Variants in PTPRD observed in about 807,000 individuals in gnomAD.
The protein encoded by PTPRD is receptor-type tyrosine-protein phosphatase delta.
In PTPRD, 34 loss-of-function variants were observed where a neutral mutation model predicts 214.5. The ratio of observed to expected loss-of-function variants is 0.16; its 90% CI spans 0.12 to 0.21. PTPRD has a LOEUF of 0.21. Ranked by LOEUF, PTPRD falls within the 10% of genes least tolerant of loss-of-function variation. The probability of loss-of-function intolerance (pLI) is 1.00; values close to 1 mark genes in which losing one functional copy is unlikely to be tolerated. For missense variants in PTPRD, 2,545 were observed against 2,398.7 expected (o/e 1.06, Z -1.27); for synonymous variants, 1,128 against 845.7 (o/e 1.33, Z -5.79).
chr9:10,269,789 T>C (rs2094314932), intron 3 of PTPRD, among the ~76,000 whole-genome samples: 1 of 152,014 alleles, frequency 6.6e-6, no homozygotes, highest in South Asian at 2.1e-4. Flanking sequence ...TCTATAAAAA[T>C]CTTCTGAAAA....
Position 10,308,167 on chromosome 9 carries a change from T to C in PTPRD, c.-545+32796A>G, listed in dbSNP as rs2096146375. Among the ~76,000 whole-genome samples, 4 of 152,016 alleles carry C rather than the reference T, an allele frequency of 2.6e-5. No individual in the cohort carries two copies. The South Asian group carries it at 8.3e-4, about 31-fold the overall frequency. On this transcript the variant is annotated intron_variant, in intron 3 of 45. Transcript: ENST00000381196. ...CATCAATGTCCTGAAGTGTTTTTCC[T>C]GTTTTCTTATAGTAGTTTTGTAATT...
At chr9:9,470,866 C>G (rs953048276) in intron 8 of PTPRD, among the ~76,000 whole-genome samples, 1 of 152,088 alleles carries the variant, frequency 6.6e-6, no homozygotes, top group East Asian at 1.9e-4. Flanking sequence ...TAAAATCAGG[C>G]AAGATAAAAC....
intron 2 of PTPRD, among the ~76,000 whole-genome samples, chr9:10,582,581 T>C (rs2072315437): frequency 6.6e-6 from 1 of 152,180 alleles, no homozygotes; most frequent in South Asian, 2.1e-4. Context: ...CTACTACATA[T>C]CTGGGATGAC....
chr9:8,658,565 G>T (rs191426886), intron 12 of PTPRD, among the ~76,000 whole-genome samples: 1 of 151,546 alleles, frequency 6.6e-6, no homozygotes, highest in East Asian at 1.9e-4. Flanking sequence ...CCTCCAAGAG[G>T]ACTAGATTCT....
chr9:10,567,562 T>G (rs1309203276), intron 2 of PTPRD, among the ~76,000 whole-genome samples: 1 of 152,112 alleles, frequency 6.6e-6, no homozygotes, highest in African/African-American at 2.4e-5. Flanking sequence ...GCCCTACCCT[T>G]TTGTTTTTCC....
intron 8 of PTPRD, among the ~76,000 whole-genome samples, chr9:9,506,985 T>C (rs1369185423): frequency 1.3e-5 from 2 of 151,456 alleles, no homozygotes; most frequent in East Asian, 1.9e-4. Flanking sequence ...AAAGATTATA[T>C]ACAAGTATAC....
chr9:9,015,087 T>A (rs78925264), intron 11 of PTPRD, among the ~76,000 whole-genome samples: 26 of 152,144 alleles, frequency 1.7e-4, no homozygotes, highest in African/African-American at 5.8e-4. Context: ...GCCAGGTTTA[T>A]TTTAACTAAA....
At chr9:9,483,827 C>T (rs1169956960) in intron 8 of PTPRD, among the ~76,000 whole-genome samples, 28 of 145,490 alleles carry the variant, frequency 1.9e-4, no homozygotes, top group African/African-American at 5.6e-4. Flanking sequence ...TGTGAAAATT[C>T]GTTCTCTGTT....
chr9:9,409,842 A>G (rs1039562404), intron 8 of PTPRD, among the ~76,000 whole-genome samples: 5 of 152,106 alleles, frequency 3.3e-5, no homozygotes, highest in African/African-American at 1.2e-4. Context: ...AAAATGTCTA[A>G]GGTTTCTAAT....
chr9:9,291,619 A>G (rs1021255930), intron 9 of PTPRD, among the ~76,000 whole-genome samples: 3 of 151,332 alleles, frequency 2.0e-5, no homozygotes, highest in Admixed American at 6.6e-5. Context: ...GTAAGCAACT[A>G]TAAAGTTTAT....
intron 5 of PTPRD, among the ~76,000 whole-genome samples, chr9:9,833,906 A>G (rs1417660177): frequency 2.0e-5 from 3 of 151,992 alleles, no homozygotes; most frequent in Admixed American, 1.3e-4. Flanking sequence ...TCCACATTTC[A>G]TATTGCTCAA....
chr9:10,270,673 T>C (rs936924960), intron 3 of PTPRD, among the ~76,000 whole-genome samples: 1 of 152,176 alleles, frequency 6.6e-6, no homozygotes, highest in Non-Finnish European at 1.5e-5. Context: ...TTCTTCAGCA[T>C]AAAAAATTGT....
At chr9:8,459,071 G>C (rs1370327825) in intron 33 of PTPRD, among the ~76,000 whole-genome samples, 2 of 152,080 alleles carry the variant, frequency 1.3e-5, no homozygotes, top group Non-Finnish European at 1.5e-5. Flanking sequence ...GAGTTTTGAA[G>C]GAGTTTCTTT....
At chr9:8,800,815 C>T (rs1194662133) in intron 11 of PTPRD, among the ~76,000 whole-genome samples, 1 of 152,132 alleles carries the variant, frequency 6.6e-6, no homozygotes, top group Non-Finnish European at 1.5e-5. Flanking sequence ...CTCATGGGGT[C>T]TGGATTGGGA....
At chr9:8,788,236 T>C (rs1446088375) in intron 11 of PTPRD, among the ~76,000 whole-genome samples, 2 of 151,210 alleles carry the variant, frequency 1.3e-5, no homozygotes, top group Non-Finnish European at 2.9e-5. Flanking sequence ...CCAAATATTT[T>C]TGGTTCATAT....
At chr9:9,002,367 G>C (rs1589603299) in intron 11 of PTPRD, among the ~76,000 whole-genome samples, 1 of 151,932 alleles carries the variant, frequency 6.6e-6, no homozygotes, top group Non-Finnish European at 1.5e-5. Context: ...TAATGATCAA[G>C]TCATTAGGCA....
intron 12 of PTPRD, among the ~76,000 whole-genome samples, chr9:8,640,351 A>G (rs1198833049): frequency 6.6e-6 from 1 of 152,152 alleles, no homozygotes; most frequent in Non-Finnish European, 1.5e-5. Context: ...CTCCATCTCA[A>G]AAATAAAAAA....
At chr9:10,176,250 T>C (rs1337511239) in intron 3 of PTPRD, among the ~76,000 whole-genome samples, 1 of 151,820 alleles carries the variant, frequency 6.6e-6, no homozygotes, top group Non-Finnish European at 1.5e-5. Flanking sequence ...TTTATATAAA[T>C]TTTTTTTCAA....
chr9:9,310,980 G>A (rs1257152443), intron 9 of PTPRD, among the ~76,000 whole-genome samples: 1 of 104,734 alleles, frequency 9.5e-6, no homozygotes, highest in Non-Finnish European at 2.1e-5. Flanking sequence ...TCGGTGGGAG[G>A]CCCATCTTAA....
Sources: gnomAD v4.1 joint callset for allele counts (sites outside exome capture counted in the v4.1 genomes callset) on GRCh38, gnomAD v4.1.1 for gene constraint, MANE v1.5 for transcripts, NCBI Gene and HGNC (gene_info 2026-07-23, HGNC 2026-07-21) for gene names.